The following NSD2 variants were observed in gnomAD, a reference collection of about 807,000 sequenced individuals.
The protein encoded by NSD2 is nuclear receptor binding SET domain protein 2, also known as histone-lysine N-methyltransferase NSD2.
Under a neutral mutation model 139.0 loss-of-function variants are expected in NSD2, and 12 were observed. The ratio of observed to expected loss-of-function variants is 0.09; its 90% CI spans 0.06 to 0.14. The LOEUF is 0.14. Ranked by LOEUF, NSD2 falls within the 10% of genes least tolerant of loss-of-function variation. NSD2 has a pLI of 1.00. For synonymous variants in NSD2, 669 were observed against 648.7 expected (o/e 1.03, Z -0.48); for missense variants, 1,155 against 1,745.0 (o/e 0.66, Z 6.02).
chr4:1,936,925 G>A (rs28577009), intron 7 of NSD2, among the ~76,000 whole-genome samples: 1,810 of 152,276 alleles, frequency 0.012, 38 homozygotes, highest in African/African-American at 0.041. Flanking sequence ...ACATTCTTCT[G>A]GGGCACCTGC....
chr4:1,926,344 A>G (rs574510563), intron 5 of NSD2, among the ~76,000 whole-genome samples: 2 of 150,886 alleles, frequency 1.3e-5, no homozygotes, highest in African/African-American at 2.4e-5. Context: ...TAGTAGAGCC[A>G]GGGTTTCACC....
chr4:1,957,518 CCT>C (rs1486354771), intron 15 of NSD2, among the ~76,000 whole-genome samples: 1 of 150,688 alleles, frequency 6.6e-6, no homozygotes, highest in Non-Finnish European at 1.5e-5. Context: ...GAACTCCTGA[CCT>C]CAGGTGATCC....
chr4:1,930,619 C>T lies in NSD2; in HGVS notation c.1411-7C>T. ...ACTTCTCATTGCACCTTCTCCCGTT[C>T]CCACAGGTGGTAGCTGAGCACCCAG... On this transcript the variant is annotated splice_region_variant and splice_polypyrimidine_tract_variant and intron_variant, in intron 5 of 21. Transcript: ENST00000508803. 2 of 1,595,328 alleles carry T rather than the reference C, an allele frequency of 1.3e-6. No homozygotes were observed. The highest frequency in any genetic ancestry group is 1.7e-6 in the Non-Finnish European group (2 of 1,170,406).
At position 1,972,739 on chromosome 4, in the gene NSD2, G is replaced by A. The variant is rs903888267; in HGVS notation, c.3373-2124G>A. On this transcript the variant is annotated intron_variant, in intron 18 of 21. Coordinates refer to ENST00000508803, the MANE Select transcript of NSD2 (RefSeq NM_001042424.3). The surrounding 1 kb of genome is among the most constrained non-coding windows in gnomAD (Gnocchi z 4.0). ...TGCAACTACTCAGCAAACCGAAAACGCATGAAGCAAAAGGGTAAAATAGTT... is the reference window on the plus strand; with the variant it reads ...TGCAACTACTCAGCAAACCGAAAACACATGAAGCAAAAGGGTAAAATAGTT... Among the ~76,000 whole-genome samples, 3 of 152,240 alleles carry A rather than the reference G, an allele frequency of 2.0e-5. No homozygotes were observed. The highest frequency in any genetic ancestry group is 6.5e-5 in the Admixed American group (1 of 15,290).
intron 1 of NSD2, among the ~76,000 whole-genome samples, chr4:1,897,435 G>T (rs985732406): frequency 5.9e-5 from 9 of 151,974 alleles, no homozygotes; most frequent in African/African-American, 2.2e-4. Context: ...GCAGTGAGCT[G>T]AAATTGTGCC....
At chr4:1,977,383 T>TG (rs2109027876) in intron 21 of NSD2, among the ~76,000 whole-genome samples, 1 of 152,258 alleles carries the variant, frequency 6.6e-6, no homozygotes, top group African/African-American at 2.4e-5. Flanking sequence ...CACCTAAGGG[T>TG]GCAGCCACCT....
intron 18 of NSD2, among the ~76,000 whole-genome samples, chr4:1,965,578 C>T (rs1170332467): frequency 6.6e-6 from 1 of 152,230 alleles, no homozygotes; most frequent in African/African-American, 2.4e-5. Context: ...TCTTGAAAAC[C>T]GCAAGAGGAA....
intron 7 of NSD2, 34 bp from the exon 8 acceptor site, chr4:1,938,417 T>TTTTTTTTTTTTTTTTTTTTTTTTTTTTA: frequency 5.3e-6 from 1 of 190,424 alleles, no homozygotes; most frequent in East Asian, 1.6e-4. Flanking sequence ...TTTTTCTTTC[T>TTTTTTTTTTTTTTTTTTTTTTTTTTTTA]TTTTTTTTTT....
At chr4:1,911,616 A>G (rs1386092772) in intron 3 of NSD2, among the ~76,000 whole-genome samples, 12 of 150,846 alleles carry the variant, frequency 8.0e-5, no homozygotes, top group African/African-American at 1.2e-4. Flanking sequence ...AAGAAAAAAA[A>G]AAAGAAAGAA....
rs1719715406 is a variant in NSD2, at chr4:1,918,547, C to T, written c.1334C>T (p.Thr445Ile). The stretch of plus-strand genomic sequence containing the variant: ...TCTCCTCCTGGGAGGAAGAAGACCA[C>T]AGTCTCCATGCCACGAAGCAGGAAG... ...VGSPPGRKKTTVSMPRSRKGD... is the reference protein window; with the variant it reads ...VGSPPGRKKTIVSMPRSRKGD... Residue 445 changes from threonine to isoleucine, a missense_variant, in exon 5 of 22, where the codon ACA (threonine) becomes ATA (isoleucine). Transcript: ENST00000508803. 2 of 1,613,826 alleles carry T rather than the reference C, an allele frequency of 1.2e-6. No individual in the cohort carries two copies. Among genetic ancestry groups the T allele is most frequent in the East Asian group, 2.2e-5 (1 of 44,872 alleles).
chr4:1,933,029 C>T (rs1442999108), intron 6 of NSD2, among the ~76,000 whole-genome samples: 3 of 152,174 alleles, frequency 2.0e-5, no homozygotes, highest in African/African-American at 7.2e-5. Context: ...GGTCCTGCTG[C>T]CGAGCATTCC....
intron 3 of NSD2, among the ~76,000 whole-genome samples, chr4:1,915,609 G>T (rs562686689): frequency 1.3e-5 from 2 of 152,234 alleles, no homozygotes; most frequent in East Asian, 1.9e-4. Context: ...GGGTCCAGGG[G>T]TTCCTTGGTG....
At chr4:1,892,044 A>G (rs1373451748) in intron 1 of NSD2, 1 of 152,074 alleles carries the variant, frequency 6.6e-6, no homozygotes, top group Non-Finnish European at 1.5e-5. Flanking sequence ...CTCCTCTAGA[A>G]TATTAGCACC....
intron 3 of NSD2, among the ~76,000 whole-genome samples, chr4:1,912,723 T>G (rs930593391): frequency 1.3e-5 from 2 of 152,202 alleles, no homozygotes; most frequent in African/African-American, 4.8e-5. Flanking sequence ...AGATTTTCTT[T>G]CTTTGTAAAA....
Position 1,979,924 on chromosome 4 carries a change from C to T in NSD2, c.*1015C>T, listed in dbSNP as rs1428481155. 2.6e-5 allele frequency: 6 copies of T among 232,572 alleles called. No individual in the cohort carries two copies. The highest frequency in any genetic ancestry group is 5.6e-5 in the Admixed American group (1 of 17,754). The allele number at this position is 232,572 out of a possible 1,614,324, so 14.4% of individuals were successfully genotyped here. A position where few individuals can be genotyped will look rare whatever the true frequency, so the allele number is the denominator to read the frequency against. ...TGACAACTTAGGGAGCCCCGTAGGG[C>T]GCTGCAGGCCCCGGGGACCCCAGCA... On this transcript the variant is annotated 3_prime_UTR_variant, in exon 22 of 22. Transcript: ENST00000508803.
intron 9 of NSD2, chr4:1,940,479 C>T: frequency 9.4e-7 from 1 of 1,064,044 alleles, no homozygotes; most frequent in Non-Finnish European, 1.1e-6. Context: ...CCAAAAACAA[C>T]AAATAGCCAC....
chr4:1,946,810 C>T (rs552319436), intron 9 of NSD2: 1 of 1,055,332 alleles, frequency 9.5e-7, no homozygotes, highest in South Asian at 4.6e-5. Context: ...TTGGGACATT[C>T]TTACAGCAGG....
chr4:1,928,633 G>T (rs1721243397), intron 5 of NSD2, among the ~76,000 whole-genome samples: 1 of 152,016 alleles, frequency 6.6e-6, no homozygotes, highest in Admixed American at 6.5e-5. Flanking sequence ...GTGAGGCGAG[G>T]TGGCTGCAGG....
chr4:1,910,381 A>G (rs1322648740), intron 3 of NSD2, among the ~76,000 whole-genome samples: 5 of 151,934 alleles, frequency 3.3e-5, no homozygotes, highest in Non-Finnish European at 5.9e-5. Flanking sequence ...ATGTGTCACC[A>G]CACCCGACTA....
Sources: gnomAD v4.1 joint callset for allele counts (sites outside exome capture counted in the v4.1 genomes callset) on GRCh38, gnomAD v4.1.1 for gene constraint, Gnocchi (gnomAD v3.1) non-coding constraint, MANE v1.5 for transcripts, NCBI Gene and HGNC (gene_info 2026-07-23, HGNC 2026-07-21) for gene names.